Variants in ODAD2 observed in about 807,000 individuals in gnomAD.
ODAD2 encodes outer dynein arm docking complex subunit 2, also known as outer dynein arm-docking complex subunit 2.
Under a neutral mutation model 106.8 loss-of-function variants are expected in ODAD2, and 89 were observed. That is an observed-to-expected ratio of 0.83 (90% confidence interval 0.70 to 0.99). The LOEUF (loss-of-function observed/expected upper bound fraction) is 0.99. ODAD2 is among the 50% of genes least tolerant of loss of function. ODAD2 has a pLI of 0.00. For missense variants in ODAD2, 1,168 were observed against 1,238.5 expected (o/e 0.94, Z 0.85); for synonymous variants, 404 against 436.2 (o/e 0.93, Z 0.92).
At chr10:27,979,878 C>T (rs559647883) in intron 7 of ODAD2, among the ~76,000 whole-genome samples, 31 of 152,238 alleles carry the variant, frequency 2.0e-4, no homozygotes, top group Non-Finnish European at 3.8e-4. Flanking sequence ...AATTCATAAA[C>T]AGTGTCAAGG....
intron 12 of ODAD2, among the ~76,000 whole-genome samples, chr10:27,941,700 G>C (rs1448827678): frequency 6.6e-6 from 1 of 151,158 alleles, no homozygotes; most frequent in Non-Finnish European, 1.5e-5. Flanking sequence ...CCCCATGGAG[G>C]AAGGGAAGTC....
intron 17 of ODAD2, among the ~76,000 whole-genome samples, chr10:27,875,302 T>G (rs1416419774): frequency 1.3e-5 from 2 of 152,186 alleles, no homozygotes; most frequent in African/African-American, 4.8e-5. Flanking sequence ...TGGTTTAAAC[T>G]TCCTCCTTTA....
intron 16 of ODAD2, among the ~76,000 whole-genome samples, chr10:27,933,132 C>CT (rs1845725004): frequency 6.6e-6 from 1 of 152,086 alleles, no homozygotes; most frequent in South Asian, 2.1e-4. Context: ...GTGATATAGT[C>CT]CCAGCTACTA....
At chr10:27,939,093 T>C (rs1417344593) in intron 14 of ODAD2, among the ~76,000 whole-genome samples, 1 of 151,972 alleles carries the variant, frequency 6.6e-6, no homozygotes, top group African/African-American at 2.4e-5. Context: ...ACACAAAAAG[T>C]TAGTGTAGAT....
chr10:27,873,004 T>G (rs1306724604), intron 17 of ODAD2, among the ~76,000 whole-genome samples: 1 of 152,192 alleles, frequency 6.6e-6, no homozygotes, highest in Non-Finnish European at 1.5e-5. Flanking sequence ...TTTTGGTTGG[T>G]AGGCTATTAA....
At chr10:27,908,339 A>G (rs1654773867) in intron 16 of ODAD2, among the ~76,000 whole-genome samples, 1 of 152,188 alleles carries the variant, frequency 6.6e-6, no homozygotes, top group African/African-American at 2.4e-5. Context: ...AACATTGCAG[A>G]CTGTGTTATA....
intron 19 of ODAD2, among the ~76,000 whole-genome samples, chr10:27,860,179 T>C (rs577385801): frequency 3.5e-4 from 53 of 152,292 alleles, no homozygotes; most frequent in African/African-American, 1.1e-3. Flanking sequence ...TGGCTGGGCA[T>C]TGTGACTCAC....
intron 16 of ODAD2, among the ~76,000 whole-genome samples, chr10:27,908,129 A>G (rs548034193): frequency 6.6e-6 from 1 of 152,122 alleles, no homozygotes; most frequent in African/African-American, 2.4e-5. Context: ...TCCAAAACAA[A>G]TATTTATGCC....
chr10:27,940,932 CTT>C, intron 12 of ODAD2, 127 bp from the exon 13 acceptor site: 1 of 1,009,964 alleles, frequency 9.9e-7, no homozygotes, highest in South Asian at 1.7e-5. Context: ...TAAAAAATCA[CTT>C]TTCGTACTCC....
chr10:27,998,824 A>T (rs1291610627), intron 1 of ODAD2, among the ~76,000 whole-genome samples, 170 bp downstream of exon 1: 1 of 152,128 alleles, frequency 6.6e-6, no homozygotes, highest in Non-Finnish European at 1.5e-5. Flanking sequence ...TGCCCCCCGC[A>T]GTCGGCGCCC....
chr10:27,819,287 G>A (rs1420164640), intron 19 of ODAD2, among the ~76,000 whole-genome samples: 1 of 152,116 alleles, frequency 6.6e-6, no homozygotes, highest in East Asian at 1.9e-4. Context: ...GAAAAAGGGG[G>A]AAAGAGAACT....
intron 10 of ODAD2, among the ~76,000 whole-genome samples, chr10:27,954,890 T>G (rs548469354): frequency 2.6e-5 from 4 of 152,214 alleles, no homozygotes; most frequent in Non-Finnish European, 5.9e-5. Context: ...ATACTTAAAG[T>G]GGATTCACTT....
At chr10:27,834,080 G>A (rs2133037085) in intron 19 of ODAD2, among the ~76,000 whole-genome samples, 1 of 152,320 alleles carries the variant, frequency 6.6e-6, no homozygotes, top group South Asian at 2.1e-4. Flanking sequence ...GGACATCCCG[G>A]TGTGTCACTG....
chr10:27,971,444 T>G (rs1848855761), intron 7 of ODAD2, 131 bp from the exon 8 acceptor site: 1 of 729,220 alleles, frequency 1.4e-6, no homozygotes, highest in Non-Finnish European at 2.2e-6. Flanking sequence ...TAGTAACAGC[T>G]AAACAAGGAC....
chr10:27,977,017 G>A (rs1356954878), intron 7 of ODAD2, among the ~76,000 whole-genome samples: 1 of 152,048 alleles, frequency 6.6e-6, no homozygotes, highest in Non-Finnish European at 1.5e-5. Context: ...GACAAATGAT[G>A]CTGGAACAAC....
intron 19 of ODAD2, among the ~76,000 whole-genome samples, chr10:27,833,189 T>G (rs1161519802): frequency 6.6e-6 from 1 of 152,250 alleles, no homozygotes; most frequent in Non-Finnish European, 1.5e-5. Flanking sequence ...TCAAATACAG[T>G]GCATGCTTTC....
intron 17 of ODAD2, among the ~76,000 whole-genome samples, chr10:27,864,354 A>G (rs1393144364): frequency 6.8e-6 from 1 of 147,346 alleles, no homozygotes; most frequent in African/African-American, 2.5e-5. Context: ...AAGTACCCAC[A>G]GACATTTAAG....
chr10:27,994,897 T>C, intron 2 of ODAD2, 22 bp downstream of exon 2: 1 of 1,612,564 alleles, frequency 6.2e-7, no homozygotes, highest in East Asian at 2.2e-5. Flanking sequence ...TATCAAATCC[T>C]AGAAGCAAGT....
chr10:27,851,840 G>A (rs1839287603), intron 19 of ODAD2, among the ~76,000 whole-genome samples: 1 of 152,038 alleles, frequency 6.6e-6, no homozygotes, highest in Non-Finnish European at 1.5e-5. Flanking sequence ...CAAAGTCCAA[G>A]CACAAGAAAC....
Sources: allele counts gnomAD v4.1 joint callset (sites outside exome capture counted in the v4.1 genomes callset), GRCh38; gene constraint gnomAD v4.1.1; transcripts MANE v1.5; gene names NCBI Gene and HGNC (gene_info 2026-07-23, HGNC 2026-07-21).